MID1: variants seen among roughly 807,000 people sequenced by gnomAD.
The protein encoded by MID1 is midline 1, also known as E3 ubiquitin-protein ligase Midline-1.
Under a neutral mutation model 40.4 loss-of-function variants are expected in MID1, and 7 were observed. That is an observed-to-expected ratio of 0.17 (90% confidence interval 0.10 to 0.33). The LOEUF is 0.33. Ranked by LOEUF, MID1 falls within the 10% of genes least tolerant of loss-of-function variation. The pLI is 1.00. For missense variants in MID1, 367 were observed against 558.5 expected, an observed-to-expected ratio of 0.66 and a Z score of 3.46; for synonymous variants, 229 against 221.2, an observed-to-expected ratio of 1.04 and a Z score of -0.31.
chrX:10,625,620 G>A (rs1187887694), intron 1 of MID1, among the ~76,000 whole-genome samples: 2 of 112,228 alleles, frequency 1.8e-5, no homozygotes, highest in Admixed American at 1.9e-4. Context: ...CTTATCAACT[G>A]CAGTGCTGGA....
intron 8 of MID1, among the ~76,000 whole-genome samples, chrX:10,456,526 C>CTATT (rs1928678517): frequency 8.9e-6 from 1 of 112,589 alleles, no homozygotes; most frequent in Non-Finnish European, 1.9e-5. Flanking sequence ...TTTTAGAAAT[C>CTATT]TATTTCTGTA....
At chrX:10,660,091 T>C (rs764395451) in intron 1 of MID1, among the ~76,000 whole-genome samples, 8 of 111,788 alleles carry the variant, frequency 7.2e-5, no homozygotes, top group Admixed American at 2.9e-4. Context: ...CAGTCGTGTC[T>C]CTCCCAACTT....
intron 1 of MID1, among the ~76,000 whole-genome samples, chrX:10,762,491 T>C (rs750569639): frequency 2.4e-4 from 26 of 110,255 alleles, no homozygotes; most frequent in Non-Finnish European, 3.4e-4. Context: ...TGTTTTTTTT[T>C]TTTCCAATAT....
intron 1 of MID1, among the ~76,000 whole-genome samples, chrX:10,605,220 T>C (rs1314090627): frequency 8.9e-6 from 1 of 112,143 alleles, no homozygotes; most frequent in Non-Finnish European, 1.9e-5. Context: ...TTTTGGAAAT[T>C]AGAGATATGT....
At chrX:10,778,001 C>A (rs1420392232) in intron 1 of MID1, among the ~76,000 whole-genome samples, 1 of 111,091 alleles carries the variant, frequency 9.0e-6, no homozygotes, top group Non-Finnish European at 1.9e-5. Context: ...CGAAATACCT[C>A]CTGAAGGACC....
intron 1 of MID1, among the ~76,000 whole-genome samples, chrX:10,611,785 C>T (rs2147533444): frequency 9.0e-6 from 1 of 111,215 alleles, no homozygotes; most frequent in South Asian, 3.8e-4. Context: ...CCTCAGAGGT[C>T]AGAACTAAAT....
rs904968588 is a variant in MID1, at chrX:10,446,562, G to A, written c.*2806C>T. 50 of 112,069 alleles carry A rather than the reference G, an allele frequency of 4.5e-4. No individual in the cohort carries two copies. The highest frequency in any genetic ancestry group is 1.4e-3 in the African/African-American group (44 of 30,896). 9.2% of individuals were successfully genotyped at this position (112,069 alleles called of 1,213,427 possible). The stretch of plus-strand genomic sequence containing the variant: ...CCACTATTTAGAGTCCTACTTGAAT[G>A]ATATCGCCAGCAACTTTCAACTTTG... On this transcript the variant is annotated 3_prime_UTR_variant, in exon 10 of 10. Coordinates refer to ENST00000317552, the MANE Select transcript of MID1 (RefSeq NM_000381.4).
Position 10,523,084 on chromosome X carries a change from A to T in MID1, c.756+8T>A. Reference sequence around the variant, plus strand: ...AAACATACCATACAGAAATACAGAGATACTCACTTCAACATGTTGACAGGT... The same window carrying T: ...AAACATACCATACAGAAATACAGAGTTACTCACTTCAACATGTTGACAGGT... On this transcript the variant is annotated splice_region_variant and intron_variant, in intron 3 of 9. Transcript: ENST00000317552. 8.6e-7 allele frequency: 1 copy of T among 1,160,772 alleles called. No homozygotes were observed. Among genetic ancestry groups the T allele is most frequent in the Non-Finnish European group, 1.2e-6 (1 of 849,989 alleles).
At chrX:10,588,801 C>G (rs1468362499) in intron 1 of MID1, among the ~76,000 whole-genome samples, 1 of 111,055 alleles carries the variant, frequency 9.0e-6, no homozygotes, top group Non-Finnish European at 1.9e-5. Flanking sequence ...GGAAACTGGT[C>G]TGGGTGCCTT....
chrX:10,542,800 G>A (rs1235428730), intron 2 of MID1, among the ~76,000 whole-genome samples: 1 of 111,708 alleles, frequency 9.0e-6, no homozygotes, highest in Non-Finnish European at 1.9e-5. Flanking sequence ...CAAAGATATG[G>A]CAATCAGGTC....
chrX:10,613,237 C>T (rs1165233960), intron 1 of MID1, among the ~76,000 whole-genome samples: 3 of 111,233 alleles, frequency 2.7e-5, no homozygotes, highest in Admixed American at 9.5e-5. Context: ...CCGCATAGAC[C>T]CTTTGGTAAT....
At chrX:10,696,030 C>T (rs1239439375) in intron 1 of MID1, among the ~76,000 whole-genome samples, 1 of 110,929 alleles carries the variant, frequency 9.0e-6, no homozygotes, top group East Asian at 2.8e-4. Flanking sequence ...TGTTAACTGT[C>T]TCTCTAAAAT....
chrX:10,786,767 T>G (rs1341158983), intron 1 of MID1, among the ~76,000 whole-genome samples: 1 of 86,504 alleles, frequency 1.2e-5, no homozygotes, highest in Non-Finnish European at 2.1e-5. Context: ...AATTGAACAA[T>G]GAGAACACAT....
At chrX:10,622,827 G>T (rs1199011041), upstream of MID1, among the ~76,000 whole-genome samples, 2 of 111,709 alleles carry the variant, frequency 1.8e-5, no homozygotes, top group Non-Finnish European at 3.8e-5. Context: ...TAAAAAAAAT[G>T]AAAGGTGGGG....
chrX:10,658,947 T>C (rs1309967946), intron 1 of MID1, among the ~76,000 whole-genome samples: 1 of 112,094 alleles, frequency 8.9e-6, no homozygotes, highest in Non-Finnish European at 1.9e-5. Flanking sequence ...CTATAATATA[T>C]GACATCAATT....
intron 1 of MID1, among the ~76,000 whole-genome samples, chrX:10,783,811 T>C (rs2043862218): frequency 9.0e-6 from 1 of 111,213 alleles, no homozygotes; most frequent in Admixed American, 9.6e-5. Flanking sequence ...GCATTTTCCT[T>C]TGGCAATCCT....
At chrX:10,492,654 T>C (rs1044446621) in intron 4 of MID1, among the ~76,000 whole-genome samples, 11 of 111,912 alleles carry the variant, frequency 9.8e-5, no homozygotes, top group South Asian at 3.7e-4. Flanking sequence ...CTAGGTCCTT[T>C]CCCCAAAGCT....
chrX:10,639,991 G>A (rs899693412), intron 1 of MID1, among the ~76,000 whole-genome samples: 1 of 111,689 alleles, frequency 9.0e-6, no homozygotes, highest in Non-Finnish European at 1.9e-5. Flanking sequence ...CACCAGGCCT[G>A]CCTTACAAGA....
intron 1 of MID1, among the ~76,000 whole-genome samples, chrX:10,593,585 G>A (rs995204753): frequency 2.7e-5 from 3 of 111,454 alleles, no homozygotes; most frequent in African/African-American, 9.8e-5. Context: ...TGTAGAAGAC[G>A]CTCCTGTATT....
Sources: gnomAD v4.1 joint callset for allele counts (sites outside exome capture counted in the v4.1 genomes callset) on GRCh38, gnomAD v4.1.1 for gene constraint, MANE v1.5 for transcripts, NCBI Gene and HGNC (gene_info 2026-07-23, HGNC 2026-07-21) for gene names.